The following GABBR2 variants were observed in gnomAD, a reference collection of about 807,000 sequenced individuals.
GABBR2 encodes G-protein coupled receptor 51.
A neutral mutation model predicts 105.6 loss-of-function variants in GABBR2; 23 were observed. The ratio of observed to expected loss-of-function variants is 0.22; its 90% CI spans 0.16 to 0.31. The LOEUF is 0.31. GABBR2 is among the 10% of genes least tolerant of loss of function. The pLI, the probability that GABBR2 is intolerant of heterozygous loss-of-function variation, is 1.00. For missense variants in GABBR2, 734 were observed against 1,245.5 expected (o/e 0.59, Z 6.18); for synonymous variants, 478 against 499.7 (o/e 0.96, Z 0.58).
At chr9:98,438,217 A>C (rs955627545) in intron 7 of GABBR2, among the ~76,000 whole-genome samples, 3 of 141,320 alleles carry the variant, frequency 2.1e-5, no homozygotes. Flanking sequence ...CCATCCATCC[A>C]TCTATATCTA....
chr9:98,685,330 A>G lies in GABBR2; in HGVS notation c.321+23087T>C, dbSNP rs528783675. Among the ~76,000 whole-genome samples the G allele has an allele frequency of 2.1e-4, 32 of 152,348 alleles. 1 individual carries two copies. The highest frequency in any genetic ancestry group is 2.6e-4 in the Admixed American group (4 of 15,308). ...GTTTCCCTACTTTTGAGGTTTGGGG[A>G]CACAGACTAGCTTCCTTGCTCCTCA... On this transcript the variant is annotated intron_variant, in intron 1 of 18. Transcript: ENST00000259455.
chr9:98,293,965 G>T, intron 17 of GABBR2, 63 bp from the exon 18 acceptor site: 3 of 976,298 alleles, frequency 3.1e-6, no homozygotes, highest in Non-Finnish European at 5.0e-6. Flanking sequence ...AATCAACAAT[G>T]CAACTTTTTG....
At chr9:98,606,507 G>C (rs1829424733) in intron 1 of GABBR2, among the ~76,000 whole-genome samples, 1 of 125,960 alleles carries the variant, frequency 7.9e-6, no homozygotes, top group African/African-American at 2.9e-5. Context: ...TTGAGATGGA[G>C]TCTCACTCTG....
chr9:98,412,776 G>A (rs1045582385), intron 7 of GABBR2, among the ~76,000 whole-genome samples: 2 of 152,184 alleles, frequency 1.3e-5, no homozygotes, highest in Non-Finnish European at 2.9e-5. Flanking sequence ...TTATTTGACT[G>A]TAGGTCATGC....
At chr9:98,664,113 A>G (rs1830303511) in intron 1 of GABBR2, among the ~76,000 whole-genome samples, 2 of 152,134 alleles carry the variant, frequency 1.3e-5, no homozygotes, top group Admixed American at 1.3e-4. Flanking sequence ...GGATCCCCAC[A>G]CTGGTTCTCT....
intron 4 of GABBR2, among the ~76,000 whole-genome samples, chr9:98,494,519 G>A (rs956114579): frequency 6.6e-6 from 1 of 152,208 alleles, no homozygotes; most frequent in African/African-American, 2.4e-5. Flanking sequence ...GTGCAGAGCA[G>A]TGGAGAAAGC....
chr9:98,538,603 C>A (rs2131736806), intron 3 of GABBR2: 1 of 984,730 alleles, frequency 1.0e-6, no homozygotes, highest in Non-Finnish European at 1.2e-6. Flanking sequence ...GGTGGGATGG[C>A]CCTCAGCCTT....
At chr9:98,537,741 T>A (rs1044698461) in intron 3 of GABBR2, among the ~76,000 whole-genome samples, 1 of 151,900 alleles carries the variant, frequency 6.6e-6, no homozygotes, top group African/African-American at 2.4e-5. Flanking sequence ...CTGGCCAACA[T>A]AAAAAATTTA....
At chr9:98,626,860 C>T (rs1440547758) in intron 1 of GABBR2, among the ~76,000 whole-genome samples, 1 of 152,166 alleles carries the variant, frequency 6.6e-6, no homozygotes, top group African/African-American at 2.4e-5. Flanking sequence ...CTGTCTTGAA[C>T]TTCTCTTCCA....
intron 3 of GABBR2, among the ~76,000 whole-genome samples, chr9:98,537,282 C>T (rs1384215579): frequency 6.6e-6 from 1 of 152,194 alleles, no homozygotes; most frequent in Non-Finnish European, 1.5e-5. Context: ...GTGAAAGAAG[C>T]CAGACGCAAA....
Position 98,289,039 on chromosome 9 carries a change from T to C in GABBR2, c.*1545A>G, listed in dbSNP as rs1227283701. On this transcript the variant is annotated 3_prime_UTR_variant, in exon 19 of 19. Transcript: ENST00000259455. The stretch of plus-strand genomic sequence containing the variant: ...GCCTTTCTTGAGCAAAGAATGAACC[T>C]GTCTAGGAATGTCAGAAAAGTCACT... 6.6e-6 allele frequency: 1 copy of C among 152,610 alleles called. No homozygotes were observed. Among genetic ancestry groups the C allele is most frequent in the East Asian group, 1.9e-4 (1 of 5,192 alleles). The allele number at this position is 152,610 out of a possible 1,614,324, so 9.5% of individuals were successfully genotyped here.
intron 8 of GABBR2, among the ~76,000 whole-genome samples, chr9:98,394,521 G>A (rs1488074759): frequency 6.6e-6 from 1 of 152,222 alleles, no homozygotes; most frequent in African/African-American, 2.4e-5. Flanking sequence ...CCCTACAACT[G>A]TACTCTGTCT....
chr9:98,590,129 C>T (rs569886795), intron 1 of GABBR2, among the ~76,000 whole-genome samples: 4 of 152,314 alleles, frequency 2.6e-5, no homozygotes, highest in South Asian at 4.1e-4. Context: ...ATTACTGCTG[C>T]CTGGCAGATA....
chr9:98,612,497 T>A (rs999855477), intron 1 of GABBR2, among the ~76,000 whole-genome samples: 4 of 152,192 alleles, frequency 2.6e-5, no homozygotes, highest in Non-Finnish European at 5.9e-5. Context: ...CACAGTTATG[T>A]ACATTCTAAT....
At chr9:98,452,599 G>T (rs1826251964) in intron 7 of GABBR2, among the ~76,000 whole-genome samples, 1 of 152,212 alleles carries the variant, frequency 6.6e-6, no homozygotes. Flanking sequence ...TTTATTGAGT[G>T]CCTGCTATGT....
At chr9:98,332,680 A>G (rs985520157) in intron 13 of GABBR2, among the ~76,000 whole-genome samples, 1 of 152,236 alleles carries the variant, frequency 6.6e-6, no homozygotes, top group African/African-American at 2.4e-5. Flanking sequence ...GAAGCCTGCC[A>G]TATATTTTTA....
At chr9:98,452,114 CATCCACACCATT>C (rs930511951) in intron 7 of GABBR2, among the ~76,000 whole-genome samples, 9 of 152,196 alleles carry the variant, frequency 5.9e-5, no homozygotes, top group African/African-American at 1.7e-4. Flanking sequence ...CTTACCTTGG[CATCCACACCATT>C]ATCCACACCT....
intron 1 of GABBR2, among the ~76,000 whole-genome samples, chr9:98,701,952 G>C (rs1410680016): frequency 6.6e-6 from 1 of 152,106 alleles, no homozygotes; most frequent in Non-Finnish European, 1.5e-5. Flanking sequence ...ACAGAGCAGC[G>C]ATATTTCCTG....
intron 1 of GABBR2, among the ~76,000 whole-genome samples, chr9:98,705,080 A>C (rs1477803314): frequency 2.6e-5 from 4 of 152,202 alleles, no homozygotes. Flanking sequence ...AATGCAATAA[A>C]TTTTAGCCCA....
Sources: gnomAD v4.1 joint callset for allele counts (sites outside exome capture counted in the v4.1 genomes callset) on GRCh38, gnomAD v4.1.1 for gene constraint, MANE v1.5 for transcripts, NCBI Gene and HGNC (gene_info 2026-07-23, HGNC 2026-07-21) for gene names.